CADPS2: variants seen among roughly 807,000 people sequenced by gnomAD.
The protein encoded by CADPS2 is calcium dependent secretion activator 2.
CADPS2 carries 93 observed loss-of-function variants against 172.5 expected under a neutral mutation model. The observed-to-expected ratio is 0.54, with a 90% CI of 0.46 to 0.64. The LOEUF is 0.64. Ranked by LOEUF, CADPS2 falls within the 30% of genes least tolerant of loss-of-function variation. CADPS2 has a pLI of 0.00. For synonymous variants in CADPS2, 546 were observed against 555.2 expected (o/e 0.98, Z 0.23); for missense variants, 1,420 against 1,565.9 (o/e 0.91, Z 1.57).
chr7:122,610,275 T>C (rs993097177), intron 6 of CADPS2, among the ~76,000 whole-genome samples: 3 of 151,890 alleles, frequency 2.0e-5, no homozygotes, highest in South Asian at 2.1e-4. Context: ...AAATACATTA[T>C]GAATATATTG....
chr7:122,584,896 C>T (rs2069412170), intron 6 of CADPS2, among the ~76,000 whole-genome samples: 1 of 151,798 alleles, frequency 6.6e-6, no homozygotes, highest in Non-Finnish European at 1.5e-5. Flanking sequence ...TTGAAATGGG[C>T]TTTAATTTCC....
rs567596045 is a variant in CADPS2, at chr7:122,823,517, G to C, written c.339+62482C>G. Reference sequence around the variant, plus strand: ...ATTTAATGTGCATAGAAGTCTCTTGGAGAGCGTGCTTATAGGCAGATTCTA... The same window carrying C: ...ATTTAATGTGCATAGAAGTCTCTTGCAGAGCGTGCTTATAGGCAGATTCTA... On this transcript the variant is annotated intron_variant, in intron 1 of 29. Coordinates refer to ENST00000449022, the MANE Select transcript of CADPS2 (RefSeq NM_017954.11). 1.2e-4 allele frequency among the ~76,000 whole-genome samples: 19 copies of C among 152,072 alleles called. No individual in the cohort carries two copies. The South Asian group carries it at 3.5e-3, about 28-fold the overall frequency.
chr7:122,587,098 A>G (rs1563782619), intron 6 of CADPS2, among the ~76,000 whole-genome samples: 7 of 147,484 alleles, frequency 4.7e-5, no homozygotes, highest in Admixed American at 3.4e-4. Flanking sequence ...TTCATGCTGA[A>G]TTTTTTTTTT....
At chr7:122,492,821 C>A (rs993359378) in intron 9 of CADPS2, among the ~76,000 whole-genome samples, 2 of 152,048 alleles carry the variant, frequency 1.3e-5, no homozygotes, top group Non-Finnish European at 2.9e-5. Flanking sequence ...CACTCAGCCT[C>A]CTGAATAGCT....
chr7:122,323,873 T>TTTTATATATATATA (rs1390141913), intron 29 of CADPS2, among the ~76,000 whole-genome samples: 4 of 112,550 alleles, frequency 3.6e-5, no homozygotes, highest in East Asian at 2.4e-4. Context: ...TATGTATATT[T>TTTTATATATATATA]TATATATATA....
In CADPS2 at chr7:122,407,616, T is replaced by C. The variant is rs373289206; in HGVS notation, c.2670A>G (p.Ala890=). 12 of 1,612,054 alleles carry C rather than the reference T, an allele frequency of 7.4e-6. No individual in the cohort carries two copies. Among genetic ancestry groups the C allele is most frequent in the Non-Finnish European group, 9.3e-6 (11 of 1,179,104 alleles). ...WALFTVDMDT[A]LEAQPQDSWD... ...AGGAGTCTTGCGGTTGAGCCTCTAG[T>C]GCAGTGTCCATATCCACTGTAAATA... The change falls in exon 20 of 30, where the codon GCA becomes GCG. Residue 890 remains alanine (A), a synonymous_variant. Transcript: ENST00000449022.
intron 17 of CADPS2, among the ~76,000 whole-genome samples, chr7:122,425,629 G>C (rs940688528): frequency 6.6e-6 from 1 of 151,324 alleles, no homozygotes; most frequent in Non-Finnish European, 1.5e-5. Context: ...CTTTAGCCAT[G>C]TCATATACAC....
chr7:122,885,861 A>G (rs1824221919), intron 1 of CADPS2, 138 bp downstream of exon 1: 4 of 1,072,440 alleles, frequency 3.7e-6, no homozygotes, highest in Admixed American at 2.1e-5. Context: ...CTTGTCCCCA[A>G]AGATTCCTCT....
At chr7:122,371,506 C>T (rs2041759180) in intron 25 of CADPS2, among the ~76,000 whole-genome samples, 1 of 152,114 alleles carries the variant, frequency 6.6e-6, no homozygotes, top group African/African-American at 2.4e-5. Context: ...ATGGGGGAAA[C>T]CACCTCCATG....
At chr7:122,615,354 T>G in intron 5 of CADPS2, 55 bp from the exon 6 acceptor site, 1 of 1,181,916 alleles carries the variant, frequency 8.5e-7, no homozygotes, top group African/African-American at 1.5e-5. Flanking sequence ...TTTAGCAATA[T>G]ACATAAACAG....
intron 1 of CADPS2, among the ~76,000 whole-genome samples, chr7:122,756,656 T>C (rs2138583121): frequency 6.6e-6 from 1 of 152,324 alleles, no homozygotes; most frequent in South Asian, 2.1e-4. Context: ...CCCAGCACTT[T>C]GAGAGGTGGC....
rs2045502477 is a variant in CADPS2 at position 122,398,738 on chromosome 7, T to TC, written c.2747-5157_2747-5156insG. 3.0e-5 allele frequency among the ~76,000 whole-genome samples: 4 copies of TC among 131,466 alleles called. No homozygotes were observed. In the East Asian group the frequency reaches 9.6e-4, roughly 32 times the overall value. 86.2% of individuals were successfully genotyped at this position (131,466 alleles called of 152,430 possible). ...AGCATTATGTAAAAGGAAAACACTC[T>TC]TCTCTCTCTCTCTCTCTCTCTCTCT... On this transcript the variant is annotated intron_variant, in intron 20 of 29. Transcript: ENST00000449022.
At chr7:122,696,857 AC>A (rs2085189466) in intron 2 of CADPS2, among the ~76,000 whole-genome samples, 1 of 152,200 alleles carries the variant, frequency 6.6e-6, no homozygotes, top group Non-Finnish European at 1.5e-5. Context: ...TTTATCATTC[AC>A]TTATTCATTC....
intron 1 of CADPS2, among the ~76,000 whole-genome samples, chr7:122,841,785 C>G (rs1432444830): frequency 6.6e-6 from 1 of 152,136 alleles, no homozygotes; most frequent in Non-Finnish European, 1.5e-5. Context: ...GAACTGAAGA[C>G]CATCAGCCTG....
chr7:122,839,583 G>T (rs1037295901), intron 1 of CADPS2, among the ~76,000 whole-genome samples: 1 of 151,924 alleles, frequency 6.6e-6, no homozygotes, highest in African/African-American at 2.4e-5. Flanking sequence ...AAATTTACAG[G>T]AAAAAAACAA....
At chr7:122,604,512 A>C (rs1301467331) in intron 6 of CADPS2, among the ~76,000 whole-genome samples, 1 of 152,156 alleles carries the variant, frequency 6.6e-6, no homozygotes, top group Non-Finnish European at 1.5e-5. Context: ...GCAGCATCTT[A>C]GAATAAAGGC....
At chr7:122,845,251 G>A (rs1354101558) in intron 1 of CADPS2, among the ~76,000 whole-genome samples, 2 of 152,172 alleles carry the variant, frequency 1.3e-5, no homozygotes, top group Admixed American at 1.3e-4. Context: ...GTTTGTGTGT[G>A]CTAAGATGTG....
chr7:122,347,538 C>T (rs969765335), intron 27 of CADPS2, among the ~76,000 whole-genome samples: 3 of 152,100 alleles, frequency 2.0e-5, no homozygotes, highest in African/African-American at 7.2e-5. Flanking sequence ...ACAACATTAG[C>T]TGTAACTTGA....
At chr7:122,420,666 G>A (rs1278075275) in intron 17 of CADPS2, among the ~76,000 whole-genome samples, 1 of 152,210 alleles carries the variant, frequency 6.6e-6, no homozygotes, top group African/African-American at 2.4e-5. Flanking sequence ...AAGCATTACA[G>A]ATGGCTCTAC....
Sources: gnomAD v4.1 joint callset for allele counts (sites outside exome capture counted in the v4.1 genomes callset) on GRCh38, gnomAD v4.1.1 for gene constraint, MANE v1.5 for transcripts, NCBI Gene and HGNC (gene_info 2026-07-23, HGNC 2026-07-21) for gene names.